PCDH15: variants seen among roughly 807,000 people sequenced by gnomAD.
PCDH15 encodes the protein protocadherin related 15.
In PCDH15, 129 loss-of-function variants were observed where a neutral mutation model predicts 178.5. That is an observed-to-expected ratio of 0.72 (90% CI 0.63 to 0.84). The LOEUF (loss-of-function observed/expected upper bound fraction) is 0.84, where lower values mean the gene tolerates loss of function less well. Among genes scored for constraint, PCDH15 ranks in the 40% least tolerant of loss-of-function variants. The probability of loss-of-function intolerance (pLI) is 0.00; values close to 1 mark genes in which losing one functional copy is unlikely to be tolerated. For synonymous variants in PCDH15, 800 were observed against 732.0 expected, an observed-to-expected ratio of 1.09 and a Z score of -1.50; for missense variants, 2,230 against 2,099.9, an observed-to-expected ratio of 1.06 and a Z score of -1.21.
At chr10:54,903,665 C>T (rs1406513802) in intron 2 of PCDH15, among the ~76,000 whole-genome samples, 1 of 151,570 alleles carries the variant, frequency 6.6e-6, no homozygotes, top group Non-Finnish European at 1.5e-5. Context: ...AATAATAGTC[C>T]AATTCAAAAA....
intron 3 of PCDH15, among the ~76,000 whole-genome samples, chr10:54,829,419 C>T (rs1333356524): frequency 1.3e-5 from 2 of 151,948 alleles, no homozygotes; most frequent in African/African-American, 4.8e-5. Flanking sequence ...ATCATTGATG[C>T]CTTGCACTGT....
chr10:54,651,440 C>T (rs568517990), intron 2 of PCDH15, among the ~76,000 whole-genome samples: 99 of 152,212 alleles, frequency 6.5e-4, no homozygotes, highest in Non-Finnish European at 1.2e-3. Flanking sequence ...TAGAGATTAG[C>T]GGTTCACTGT....
At chr10:55,435,522 T>G (rs1265041724) in intron 2 of PCDH15, among the ~76,000 whole-genome samples, 2 of 152,162 alleles carry the variant, frequency 1.3e-5, no homozygotes, top group Non-Finnish European at 2.9e-5. Flanking sequence ...TAACTTCCTC[T>G]TCCTTTTTTC....
chr10:53,951,914 A>C (rs1205447959), intron 23 of PCDH15, among the ~76,000 whole-genome samples: 3 of 152,174 alleles, frequency 2.0e-5, no homozygotes, highest in Non-Finnish European at 2.9e-5. Flanking sequence ...TGTGGTGGGA[A>C]GGGTGGCCCC....
At chr10:53,813,704 G>A (rs1309316089) in intron 35 of PCDH15, among the ~76,000 whole-genome samples, 2 of 152,204 alleles carry the variant, frequency 1.3e-5, no homozygotes, top group South Asian at 2.1e-4. Context: ...AGATAAACAC[G>A]CTACCACATC....
intron 2 of PCDH15, among the ~76,000 whole-genome samples, chr10:55,062,164 T>G (rs1013234433): frequency 6.6e-6 from 1 of 152,240 alleles, no homozygotes; most frequent in Non-Finnish European, 1.5e-5. Flanking sequence ...GGTGGGGTTT[T>G]GGGAAGTGAT....
intron 2 of PCDH15, among the ~76,000 whole-genome samples, chr10:54,980,030 T>C (rs116011859): frequency 0.021 from 3,270 of 152,264 alleles, 116 homozygotes; most frequent in African/African-American, 0.074. Context: ...TTGCTCTCCT[T>C]AACCAGTAAA....
At chr10:54,102,152 C>A (rs991980578) in intron 15 of PCDH15, among the ~76,000 whole-genome samples, 5 of 152,142 alleles carry the variant, frequency 3.3e-5, no homozygotes, top group Admixed American at 3.3e-4. Flanking sequence ...CTGTCTTTCT[C>A]CCTTTCCAAA....
At chr10:55,377,515 A>G (rs1394998133) in intron 2 of PCDH15, among the ~76,000 whole-genome samples, 3 of 151,950 alleles carry the variant, frequency 2.0e-5, no homozygotes, top group Non-Finnish European at 4.4e-5. Context: ...TATTTAGTAA[A>G]ATAGCTTACT....
chr10:55,434,077 CTTTTT>C (rs60921527), intron 2 of PCDH15, among the ~76,000 whole-genome samples: 1 of 90,826 alleles, frequency 1.1e-5, no homozygotes, highest in Non-Finnish European at 2.0e-5. Flanking sequence ...CTTTTCTTTT[CTTTTT>C]TTTTTTTTTT....
intron 1 of PCDH15, among the ~76,000 whole-genome samples, chr10:55,207,688 G>T (rs1353211008): frequency 6.6e-6 from 1 of 152,128 alleles, no homozygotes. Flanking sequence ...ATACATACAG[G>T]CTGGATGCCA....
intron 2 of PCDH15, among the ~76,000 whole-genome samples, chr10:55,435,034 A>AG (rs1213326460): frequency 1.3e-5 from 2 of 152,240 alleles, no homozygotes; most frequent in African/African-American, 4.8e-5. Context: ...AATTATAATG[A>AG]GGGAAAGATT....
At chr10:55,414,845 A>G (rs1369156754) in intron 2 of PCDH15, among the ~76,000 whole-genome samples, 1 of 150,590 alleles carries the variant, frequency 6.6e-6, no homozygotes, top group Non-Finnish European at 1.5e-5. Context: ...AGGGTTTTCT[A>G]CATATAAGAT....
intron 2 of PCDH15, among the ~76,000 whole-genome samples, chr10:55,537,602 A>T (rs1206455008): frequency 2.0e-5 from 3 of 151,864 alleles, no homozygotes; most frequent in Non-Finnish European, 4.4e-5. Flanking sequence ...CACCTGGCTA[A>T]TTTTTGTATT....
intron 8 of PCDH15, among the ~76,000 whole-genome samples, chr10:54,292,065 A>C (rs1485103904): frequency 6.6e-6 from 1 of 152,206 alleles, no homozygotes; most frequent in South Asian, 2.1e-4. Flanking sequence ...TGATGCAAAA[A>C]TCCTCAATAA....
chr10:55,468,226 T>A (rs755584144), intron 2 of PCDH15: 1 of 152,124 alleles, frequency 6.6e-6, no homozygotes, highest in Non-Finnish European at 1.5e-5. Flanking sequence ...TCCTAGAAAG[T>A]TGCCCAACTT....
chr10:55,568,451 T>C lies in PCDH15; in HGVS notation c.-156+59174A>G, dbSNP rs539637791. 2.0e-5 allele frequency among the ~76,000 whole-genome samples: 3 copies of C among 151,976 alleles called. No homozygotes were observed. The South Asian group carries it at 6.2e-4, about 31-fold the overall frequency. On this transcript the variant is annotated intron_variant, in intron 2 of 5. Coordinates refer to the PCDH15 transcript ENST00000613346. ...TAAAGATTGTAAGAGTTCTGGAGAT[T>C]GACAATAATGACGACTGAACAATAA...
chr10:53,823,351 GGAAAAGACTTGAAA>G lies in PCDH15; in HGVS notation c.4368-3135_4368-3122del. ...CTGCTTTGTTGAAAATGGTAGAGAA[GGAAAAGACTTGAAA>G]GAAAAGAAGATAATGAAATGTAAGG... On this transcript the variant is annotated intron_variant, in intron 32 of 37. Transcript: ENST00000644397. 1 of 1,613,002 alleles carries G rather than the reference GGAAAAGACTTGAAA, an allele frequency of 6.2e-7. No homozygotes were observed. The highest frequency in any genetic ancestry group is 8.5e-7 in the Non-Finnish European group (1 of 1,179,126).
At chr10:55,100,213 A>T (rs1842544773) in intron 2 of PCDH15, among the ~76,000 whole-genome samples, 1 of 152,144 alleles carries the variant, frequency 6.6e-6, no homozygotes, top group Admixed American at 6.6e-5. Flanking sequence ...TATTTAGGCC[A>T]CTTCCTAATC....
Sources: allele counts gnomAD v4.1 joint callset (sites outside exome capture counted in the v4.1 genomes callset), GRCh38; gene constraint gnomAD v4.1.1; transcripts MANE v1.5; gene names NCBI Gene and HGNC (gene_info 2026-07-23, HGNC 2026-07-21).